Variants in SNTG1 observed in about 807,000 individuals in gnomAD.
SNTG1 encodes the protein syntrophin gamma 1.
Under a neutral mutation model 74.7 loss-of-function variants are expected in SNTG1, and 39 were observed. The observed-to-expected ratio is 0.52, with a 90% CI of 0.40 to 0.68. The LOEUF is 0.68. Ranked by LOEUF, SNTG1 falls within the 30% of genes least tolerant of loss-of-function variation. The pLI, the probability that SNTG1 is intolerant of heterozygous loss-of-function variation, is 0.00. For synonymous variants in SNTG1, 254 were observed against 217.1 expected, an observed-to-expected ratio of 1.17 and a Z score of -1.49; for missense variants, 685 against 609.5, an observed-to-expected ratio of 1.12 and a Z score of -1.30.
Position 50,792,710 on chromosome 8 carries a change from A to G in SNTG1, c.1435A>G (p.Ile479Val). 1 of 1,612,004 alleles carries G rather than the reference A, an allele frequency of 6.2e-7. No individual in the cohort carries two copies. The highest frequency in any genetic ancestry group is 8.5e-7 in the Non-Finnish European group (1 of 1,178,674). The stretch of plus-strand genomic sequence containing the variant: ...TAATTTATTTGCTGTTCTTCACTGC[A>G]TTCATTCCTTCTTTGCTGCCAAGGT... ...FSNLFAVLHC[I>V]HSFFAAKVAC... The change falls in exon 19 of 19, where the codon ATT becomes GTT. Residue 479 changes from isoleucine (I) to valine (V), a missense_variant. Ile to Val is a conservative substitution (Grantham distance 29, BLOSUM62 3). Coordinates refer to ENST00000642720, the MANE Select transcript of SNTG1 (RefSeq NM_018967.5).
rs187235940 is a variant in SNTG1 at position 50,558,389 on chromosome 8, T to A, written c.810+5210T>A. Among the ~76,000 whole-genome samples, 223 of 152,310 alleles carry A rather than the reference T, an allele frequency of 1.5e-3. 2 individuals carry two copies. Among genetic ancestry groups the A allele is most frequent in the Middle Eastern group, 0.01 (3 of 294 alleles). On this transcript the variant is annotated intron_variant, in intron 12 of 18. Coordinates refer to ENST00000642720, the MANE Select transcript of SNTG1 (RefSeq NM_018967.5). ...GACATGCTCTCTCAGAGTTTTTGTTTGTTGTCCATGACTTAATTTGTCTTG... is the reference window on the plus strand; with the variant it reads ...GACATGCTCTCTCAGAGTTTTTGTTAGTTGTCCATGACTTAATTTGTCTTG...
chr8:49,992,051 G>A (rs1350403932), intron 1 of SNTG1, among the ~76,000 whole-genome samples: 1 of 152,056 alleles, frequency 6.6e-6, no homozygotes, highest in Non-Finnish European at 1.5e-5. Context: ...CTGTTTCCAC[G>A]CCTCCCTTAC....
chr8:50,617,731 G>C (rs532625528), intron 13 of SNTG1, among the ~76,000 whole-genome samples: 10 of 152,308 alleles, frequency 6.6e-5, no homozygotes, highest in Non-Finnish European at 8.8e-5. Context: ...CAAGAAGTGG[G>C]TACATGACTG....
At chr8:50,433,018 G>A (rs2093257232) in intron 4 of SNTG1, among the ~76,000 whole-genome samples, 1 of 152,048 alleles carries the variant, frequency 6.6e-6, no homozygotes, top group East Asian at 1.9e-4. Flanking sequence ...TCGAACTCCT[G>A]ACCTCCAGTG....
intron 1 of SNTG1, among the ~76,000 whole-genome samples, chr8:50,146,714 G>T (rs1269418335): frequency 6.6e-6 from 1 of 152,148 alleles, no homozygotes; most frequent in Non-Finnish European, 1.5e-5. Context: ...CATTGATATT[G>T]TAAGAGTTTT....
chr8:50,612,378 T>C (rs2094856805), intron 13 of SNTG1, among the ~76,000 whole-genome samples: 1 of 152,208 alleles, frequency 6.6e-6, no homozygotes, highest in Non-Finnish European at 1.5e-5. Flanking sequence ...ATGTACTCAC[T>C]TGTGTTACTA....
chr8:50,556,844 A>G (rs1360362151), intron 12 of SNTG1, among the ~76,000 whole-genome samples: 2 of 152,184 alleles, frequency 1.3e-5, no homozygotes, highest in Non-Finnish European at 1.5e-5. Flanking sequence ...ACAAGACTTC[A>G]GATGAGATAG....
At chr8:50,425,121 C>T (rs907518672) in intron 4 of SNTG1, among the ~76,000 whole-genome samples, 1 of 152,044 alleles carries the variant, frequency 6.6e-6, no homozygotes. Context: ...AGAAATGGCA[C>T]AAGATTTGCG....
intron 2 of SNTG1, among the ~76,000 whole-genome samples, chr8:50,292,902 G>A (rs540683545): frequency 1.8e-4 from 26 of 144,808 alleles, no homozygotes; most frequent in African/African-American, 5.6e-4. Context: ...AGGAAAAGCA[G>A]TATGCAACAG....
At chr8:50,501,644 G>C (rs71511997) in intron 8 of SNTG1, among the ~76,000 whole-genome samples, 1 of 148,362 alleles carries the variant, frequency 6.7e-6, no homozygotes, top group African/African-American at 2.5e-5. Flanking sequence ...TTTTAGCAGA[G>C]ACGGGGTTTC....
chr8:50,668,315 TATTA>T (rs1373147568), intron 15 of SNTG1, among the ~76,000 whole-genome samples: 2 of 151,944 alleles, frequency 1.3e-5, no homozygotes, highest in South Asian at 2.1e-4. Context: ...AAGTGCCAAG[TATTA>T]ATTAATTAAT....
At chr8:50,085,435 T>A (rs760403404) in intron 1 of SNTG1, among the ~76,000 whole-genome samples, 1 of 152,202 alleles carries the variant, frequency 6.6e-6, no homozygotes, top group South Asian at 2.1e-4. Context: ...CAAAATATTT[T>A]TCTCATGTAC....
At position 50,385,328 on chromosome 8, in the gene SNTG1, A is replaced by G. The variant is rs532154926; in HGVS notation, c.-27-8884A>G. Among the ~76,000 whole-genome samples the G allele has an allele frequency of 9.9e-5, 15 of 152,274 alleles. No individual in the cohort carries two copies. The South Asian group carries it at 2.7e-3, about 27-fold the overall frequency. ...CAAAACTCAAATAGGCCTCCTAGGCATTGTCCCTCTTTTCTGGTCATAAGC... is the reference window on the plus strand; with the variant it reads ...CAAAACTCAAATAGGCCTCCTAGGCGTTGTCCCTCTTTTCTGGTCATAAGC... On this transcript the variant is annotated intron_variant, in intron 2 of 18. Transcript: ENST00000642720.
chr8:50,606,307 C>T (rs1050623910), intron 13 of SNTG1, among the ~76,000 whole-genome samples: 2 of 152,022 alleles, frequency 1.3e-5, no homozygotes, highest in Non-Finnish European at 2.9e-5. Context: ...TAGCTCTCTA[C>T]CTTTCTTAGA....
chr8:50,635,836 T>C (rs1023405082), intron 13 of SNTG1, among the ~76,000 whole-genome samples: 38 of 152,102 alleles, frequency 2.5e-4, no homozygotes, highest in Admixed American at 3.9e-4. Context: ...TTTACTTTTA[T>C]CTCTGCTCTT....
intron 13 of SNTG1, among the ~76,000 whole-genome samples, chr8:50,649,860 T>G (rs1272814332): frequency 6.6e-6 from 1 of 151,940 alleles, no homozygotes. Context: ...AATTTTATAT[T>G]TGGCAACATT....
intron 1 of SNTG1, among the ~76,000 whole-genome samples, chr8:50,040,148 C>T (rs1750278685): frequency 6.6e-6 from 1 of 152,096 alleles, no homozygotes; most frequent in Non-Finnish European, 1.5e-5. Context: ...GCACCTGAAG[C>T]CCACCTGTGC....
chr8:50,699,106 G>C (rs890684488), intron 15 of SNTG1, among the ~76,000 whole-genome samples: 2 of 151,902 alleles, frequency 1.3e-5, no homozygotes, highest in African/African-American at 4.8e-5. Context: ...AACATGCCTG[G>C]GAAAAAGAAA....
At chr8:50,111,769 G>A (rs2080601517) in intron 1 of SNTG1, among the ~76,000 whole-genome samples, 1 of 152,078 alleles carries the variant, frequency 6.6e-6, no homozygotes, top group Non-Finnish European at 1.5e-5. Flanking sequence ...GAAATTATGA[G>A]TGACAAATGG....
Sources: allele counts gnomAD v4.1 joint callset (sites outside exome capture counted in the v4.1 genomes callset), GRCh38; gene constraint gnomAD v4.1.1; transcripts MANE v1.5; gene names NCBI Gene and HGNC (gene_info 2026-07-23, HGNC 2026-07-21).